HIPK3: variants seen among roughly 807,000 people sequenced by gnomAD.
HIPK3 encodes the protein homeodomain-interacting protein kinase 3.
Under a neutral mutation model 124.2 loss-of-function variants are expected in HIPK3, and 47 were observed. The ratio of observed to expected loss-of-function variants is 0.38; its 90% confidence interval spans 0.30 to 0.48. The LOEUF (loss-of-function observed/expected upper bound fraction) is 0.48, where lower values mean the gene tolerates loss of function less well. Ranked by LOEUF, HIPK3 falls within the 20% of genes least tolerant of loss-of-function variation. The pLI is 0.98. For missense variants in HIPK3, 1,286 were observed against 1,454.3 expected, an observed-to-expected ratio of 0.88 and a Z score of 1.88; for synonymous variants, 482 against 515.2, an observed-to-expected ratio of 0.94 and a Z score of 0.87.
chr11:33,312,502 A>G (rs1852379231), intron 2 of HIPK3, among the ~76,000 whole-genome samples: 1 of 152,176 alleles, frequency 6.6e-6, no homozygotes, highest in African/African-American at 2.4e-5. Context: ...ATGTCTCTAT[A>G]TTTTGTGTTC....
chr11:33,258,342 GAACA>G, intron 1 of HIPK3: 5 of 985,560 alleles, frequency 5.1e-6, no homozygotes, highest in Non-Finnish European at 6.0e-6. Flanking sequence ...TCATTAAGGG[GAACA>G]AACAAACGCG....
intron 1 of HIPK3, among the ~76,000 whole-genome samples, chr11:33,276,932 T>C (rs1313636587): frequency 6.6e-6 from 1 of 152,184 alleles, no homozygotes; most frequent in Non-Finnish European, 1.5e-5. Context: ...CTCAAACTCC[T>C]GACCTCAAAT....
chr11:33,308,340 A>G (rs1565077095), intron 2 of HIPK3, among the ~76,000 whole-genome samples: 1 of 151,950 alleles, frequency 6.6e-6, no homozygotes, highest in African/African-American at 2.4e-5. Context: ...TCAAGGGCCT[A>G]TTTTTTTGTC....
chr11:33,287,297 C>G lies in HIPK3; in HGVS notation c.883C>G (p.Pro295Ala). ...GAAACAAAATAAATTTAGTCCCCTGCCACTAAAAGTGATTCGGCCCATTCT... is the reference window on the plus strand; with the variant it reads ...GAAACAAAATAAATTTAGTCCCCTGGCACTAAAAGTGATTCGGCCCATTCT... ...FLKQNKFSPL[P>A]LKVIRPILQQ... Residue 295 changes from proline to alanine, a missense_variant, in exon 2 of 17, where the codon CCA becomes GCA. By Grantham distance (27) the Pro-to-Ala change is conservative. Coordinates refer to ENST00000303296, the MANE Select transcript of HIPK3 (RefSeq NM_005734.5). 1 of 1,614,068 alleles carries G rather than the reference C, an allele frequency of 6.2e-7. No individual in the cohort carries two copies.
intron 1 of HIPK3, among the ~76,000 whole-genome samples, chr11:33,270,193 G>C (rs932728901): frequency 1.3e-5 from 2 of 151,946 alleles, no homozygotes; most frequent in Non-Finnish European, 2.9e-5. Context: ...TAGCCAGGCC[G>C]GTCTCAAACT....
At chr11:33,319,026 T>C (rs1852586474) in intron 2 of HIPK3, among the ~76,000 whole-genome samples, 1 of 152,232 alleles carries the variant, frequency 6.6e-6, no homozygotes, top group Non-Finnish European at 1.5e-5. Context: ...GTATTTGTTA[T>C]CTGTTGCTGT....
At position 33,286,614 on chromosome 11, in the gene HIPK3, C is replaced by T. The variant is rs144644881; in HGVS notation, c.200C>T (p.Pro67Leu). The T allele has an allele frequency of 3.7e-6, 6 of 1,614,040 alleles. No homozygotes were observed. In the African/African-American group the frequency reaches 5.3e-5, roughly 14 times the overall value. ...TKGSAFQTKI[P>L]FNRPRGHNFS... ...GGTAGTGCTTTTCAGACAAAGATACCATTTAATAGACCTCGAGGACACAAC... is the reference window on the plus strand; with the variant it reads ...GGTAGTGCTTTTCAGACAAAGATACTATTTAATAGACCTCGAGGACACAAC... The change falls in exon 2 of 17, where the codon CCA becomes CTA. Residue 67 changes from proline (P) to leucine (L), a missense_variant. Physicochemically the swap from Pro to Leu is moderately conservative, Grantham distance 98 (BLOSUM62 -3). Coordinates refer to ENST00000303296, the MANE Select transcript of HIPK3 (RefSeq NM_005734.5).
intron 7 of HIPK3, 26 bp from the exon 8 acceptor site, chr11:33,341,537 T>G (rs1266384715): frequency 6.3e-7 from 1 of 1,586,028 alleles, no homozygotes; most frequent in African/African-American, 1.4e-5. Context: ...AGAAGACTGC[T>G]CTATATAATG....
chr11:33,290,652 T>A (rs1381186959), intron 2 of HIPK3, among the ~76,000 whole-genome samples: 5 of 151,290 alleles, frequency 3.3e-5, no homozygotes, highest in East Asian at 1.9e-4. Flanking sequence ...TTTTTTTTTT[T>A]AATACTTGAG....
Position 33,355,322 on chromosome 11 carries a change from T to TTAA in HIPK3, c.*1756_*1758dup, listed in dbSNP as rs1169071262. 1.3e-5 allele frequency: 2 copies of TTAA among 152,068 alleles called. No individual in the cohort carries two copies. Among genetic ancestry groups the TTAA allele is most frequent in the African/African-American group, 4.8e-5 (2 of 41,446 alleles). 9.4% of individuals were successfully genotyped at this position (152,068 alleles called of 1,614,324 possible). A position where few individuals can be genotyped will look rare whatever the true frequency, so the allele number is the denominator to read the frequency against. ...TATTTGCATCAGTATTTTATCTCTA[T>TTAA]TAATGTTTGTGCTCATCACTGCATA... On this transcript the variant is annotated 3_prime_UTR_variant, in exon 17 of 17. Coordinates refer to ENST00000303296, the MANE Select transcript of HIPK3 (RefSeq NM_005734.5).
chr11:33,259,848 G>A (rs1476079402), intron 1 of HIPK3, among the ~76,000 whole-genome samples: 1 of 139,222 alleles, frequency 7.2e-6, no homozygotes, highest in East Asian at 2.1e-4. Context: ...TATTTGTGGA[G>A]AACCTTAGAT....
At chr11:33,345,863 C>G (rs1853476166) in intron 8 of HIPK3, among the ~76,000 whole-genome samples, 1 of 152,072 alleles carries the variant, frequency 6.6e-6, no homozygotes, top group African/African-American at 2.4e-5. Context: ...TGGACATTCT[C>G]TTTAGGATTA....
chr11:33,284,736 T>C (rs1404232558), intron 1 of HIPK3, among the ~76,000 whole-genome samples: 3 of 152,212 alleles, frequency 2.0e-5, no homozygotes, highest in Non-Finnish European at 4.4e-5. Context: ...TTTTTACACT[T>C]GATCATTTGT....
chr11:33,323,580 C>T (rs762589448), intron 2 of HIPK3, among the ~76,000 whole-genome samples: 4 of 152,176 alleles, frequency 2.6e-5, no homozygotes, highest in Admixed American at 6.5e-5. Flanking sequence ...ATAGGCAAAT[C>T]TATAGAGACA....
At chr11:33,274,356 T>G (rs908760684) in intron 1 of HIPK3, among the ~76,000 whole-genome samples, 3 of 152,182 alleles carry the variant, frequency 2.0e-5, no homozygotes, top group African/African-American at 4.8e-5. Flanking sequence ...AAATAAAAGT[T>G]TTGTGGTGGT....
chr11:33,343,265 G>GTGTGTC (rs1487662825), intron 8 of HIPK3, among the ~76,000 whole-genome samples: 1 of 139,838 alleles, frequency 7.2e-6, no homozygotes, highest in Non-Finnish European at 1.6e-5. Flanking sequence ...GTGTGTGTGT[G>GTGTGTC]TGTGTGTGTG....
chr11:33,335,650 T>G (rs1379276485), intron 3 of HIPK3: 1 of 152,098 alleles, frequency 6.6e-6, no homozygotes, highest in East Asian at 1.9e-4. Flanking sequence ...TTTACTTTTT[T>G]TTTTTAGGAT....
intron 2 of HIPK3, among the ~76,000 whole-genome samples, chr11:33,305,552 G>A (rs955122703): frequency 6.6e-6 from 1 of 152,062 alleles, no homozygotes; most frequent in African/African-American, 2.4e-5. Context: ...TTACAAATAG[G>A]GACATTGAGA....
chr11:33,325,774 CT>C (rs1253837386), intron 2 of HIPK3, among the ~76,000 whole-genome samples: 12 of 152,066 alleles, frequency 7.9e-5, no homozygotes, highest in African/African-American at 2.9e-4. Flanking sequence ...TCTTTGATAG[CT>C]TTTTTTGGTA....
Sources: allele counts gnomAD v4.1 joint callset (sites outside exome capture counted in the v4.1 genomes callset), GRCh38; gene constraint gnomAD v4.1.1; transcripts MANE v1.5; gene names NCBI Gene and HGNC (gene_info 2026-07-23, HGNC 2026-07-21).